The following ESRRG variants were observed in gnomAD, a reference collection of about 807,000 sequenced individuals.
ESRRG encodes the protein estrogen-related receptor gamma.
In ESRRG, 13 loss-of-function variants were observed where a neutral mutation model predicts 44.0. The observed-to-expected ratio is 0.30, with a 90% CI of 0.19 to 0.47. The LOEUF (loss-of-function observed/expected upper bound fraction) is 0.47. Among genes scored for constraint, ESRRG ranks in the 20% least tolerant of loss-of-function variants. The pLI is 1.00. For missense variants in ESRRG, 395 were observed against 580.6 expected, an observed-to-expected ratio of 0.68 and a Z score of 3.29; for synonymous variants, 215 against 214.6, an observed-to-expected ratio of 1.00 and a Z score of -0.02.
At chr1:216,602,056 TGTC>T (rs1444129740) in intron 3 of ESRRG, among the ~76,000 whole-genome samples, 1 of 152,232 alleles carries the variant, frequency 6.6e-6, no homozygotes, top group East Asian at 1.9e-4. Flanking sequence ...ATGTATGGAA[TGTC>T]TGAGTAAATC....
At position 217,012,992 on chromosome 1, in the gene ESRRG, T is replaced by A. The variant is rs528279195; in HGVS notation, c.-105-73319A>T. On this transcript the variant is annotated intron_variant, in intron 1 of 7. Coordinates refer to the ESRRG transcript ENST00000359162. ...CTTCTTCTTGGCTTACAGATGGTTG[T>A]CTTCTCCATGAGTTTCTTCATATCA... Among the ~76,000 whole-genome samples, 391 of 152,322 alleles carry A rather than the reference T, an allele frequency of 2.6e-3. 2 individuals are homozygous for A. Among genetic ancestry groups the A allele is most frequent in the Non-Finnish European group, 3.9e-3 (264 of 68,020 alleles).
chr1:216,707,581 G>C (rs896865135), intron 1 of ESRRG: 2 of 1,256,348 alleles, frequency 1.6e-6, no homozygotes, highest in African/African-American at 3.0e-5. Flanking sequence ...TTTATTTTAT[G>C]AAGACTGACT....
At chr1:216,578,451 C>T (rs572899957) in intron 3 of ESRRG, among the ~76,000 whole-genome samples, 2 of 152,122 alleles carry the variant, frequency 1.3e-5, no homozygotes, top group South Asian at 2.1e-4. Context: ...GGTTGCAAGC[C>T]ACAGTCTCTC....
chr1:216,556,493 G>T (rs947129983), intron 5 of ESRRG, among the ~76,000 whole-genome samples: 2 of 152,156 alleles, frequency 1.3e-5, no homozygotes, highest in South Asian at 4.1e-4. Context: ...AAATCTTTCT[G>T]TGTGTAAAAT....
chr1:216,832,465 A>C (rs950339884), intron 2 of ESRRG, among the ~76,000 whole-genome samples: 6 of 152,160 alleles, frequency 3.9e-5, no homozygotes, highest in Non-Finnish European at 8.8e-5. Flanking sequence ...ATCCTGCTTC[A>C]GGGTCATGTT....
chr1:216,747,998 A>T (rs1217428007), intron 2 of ESRRG, among the ~76,000 whole-genome samples: 1 of 152,218 alleles, frequency 6.6e-6, no homozygotes, highest in Admixed American at 6.5e-5. Flanking sequence ...CAGTAACATG[A>T]ACTTTAATAA....
intron 1 of ESRRG, among the ~76,000 whole-genome samples, chr1:217,007,210 C>A (rs1413754730): frequency 3.9e-5 from 6 of 152,074 alleles, no homozygotes; most frequent in Non-Finnish European, 8.8e-5. Context: ...GTTTTACTAT[C>A]CCAAAGCATT....
At chr1:216,547,514 G>T (rs1205874175) in intron 5 of ESRRG, among the ~76,000 whole-genome samples, 2 of 151,978 alleles carry the variant, frequency 1.3e-5, no homozygotes, top group Admixed American at 1.3e-4. Flanking sequence ...TAATTGTCCA[G>T]AGGCACACAT....
intron 2 of ESRRG, among the ~76,000 whole-genome samples, chr1:216,916,197 C>A (rs562288057): frequency 6.6e-6 from 1 of 152,178 alleles, no homozygotes; most frequent in Non-Finnish European, 1.5e-5. Flanking sequence ...TCACTTCAAA[C>A]GTGGACTTGC....
intron 1 of ESRRG, among the ~76,000 whole-genome samples, chr1:216,681,561 C>G (rs1575215936): frequency 6.6e-6 from 1 of 152,078 alleles, no homozygotes; most frequent in African/African-American, 2.4e-5. Context: ...CATTTCAAAA[C>G]AGTTTGAGAT....
chr1:216,904,584 T>C (rs1291504991), intron 2 of ESRRG, among the ~76,000 whole-genome samples: 1 of 152,194 alleles, frequency 6.6e-6, no homozygotes, highest in Non-Finnish European at 1.5e-5. Flanking sequence ...AACTTGGCTT[T>C]ACTTATCAGA....
chr1:216,793,738 A>T (rs902539803), intron 2 of ESRRG, among the ~76,000 whole-genome samples: 1 of 152,232 alleles, frequency 6.6e-6, no homozygotes, highest in Admixed American at 6.5e-5. Flanking sequence ...AATACAAAGC[A>T]AAAGGTACTA....
intron 2 of ESRRG, among the ~76,000 whole-genome samples, chr1:216,822,279 T>C (rs1482214618): frequency 2.0e-5 from 3 of 152,162 alleles, no homozygotes; most frequent in Non-Finnish European, 4.4e-5. Context: ...AAGAAATAAA[T>C]ACCGATACTC....
At chr1:216,594,000 T>C (rs1413419770) in intron 3 of ESRRG, among the ~76,000 whole-genome samples, 2 of 152,196 alleles carry the variant, frequency 1.3e-5, no homozygotes, top group East Asian at 3.9e-4. Context: ...CTCAAAGTGC[T>C]GGGATTATAG....
chr1:216,845,143 G>A (rs544617721), intron 2 of ESRRG, among the ~76,000 whole-genome samples: 14 of 151,990 alleles, frequency 9.2e-5, no homozygotes, highest in Non-Finnish European at 1.9e-4. Context: ...TTGTATGTTT[G>A]CATATGTTTA....
At chr1:216,675,859 C>A (rs2076018658) in intron 2 of ESRRG, among the ~76,000 whole-genome samples, 2 of 152,214 alleles carry the variant, frequency 1.3e-5, no homozygotes, top group African/African-American at 4.8e-5. Flanking sequence ...CATTAAGCAT[C>A]ACCTAGGAAG....
chr1:216,965,871 C>A (rs2070235836), intron 1 of ESRRG, among the ~76,000 whole-genome samples: 1 of 152,138 alleles, frequency 6.6e-6, no homozygotes, highest in Admixed American at 6.6e-5. Context: ...TAAATTAGAG[C>A]TTGGCCTTCC....
chr1:216,952,099 T>A (rs184527046), intron 1 of ESRRG, among the ~76,000 whole-genome samples: 2 of 152,078 alleles, frequency 1.3e-5, no homozygotes, highest in African/African-American at 4.8e-5. Flanking sequence ...GTGTAAACGA[T>A]CTCTGCCCCA....
intron 2 of ESRRG, among the ~76,000 whole-genome samples, chr1:216,918,578 C>A (rs2061463089): frequency 6.6e-6 from 1 of 152,040 alleles, no homozygotes; most frequent in South Asian, 2.1e-4. Context: ...CTAGAGACTT[C>A]TTCCTGTTCT....
Sources: gnomAD v4.1 joint callset for allele counts (sites outside exome capture counted in the v4.1 genomes callset) on GRCh38, gnomAD v4.1.1 for gene constraint, MANE v1.5 for transcripts, NCBI Gene and HGNC (gene_info 2026-07-23, HGNC 2026-07-21) for gene names.